The following ZYG11B variants were observed in gnomAD, a reference collection of about 807,000 sequenced individuals.
The protein encoded by ZYG11B is zyg-11 family member B, cell cycle regulator.
A neutral mutation model predicts 82.4 loss-of-function variants in ZYG11B; 36 were observed. The ratio of observed to expected loss-of-function variants is 0.44; its 90% confidence interval spans 0.33 to 0.58. The LOEUF (loss-of-function observed/expected upper bound fraction) is 0.58, where lower values mean the gene tolerates loss of function less well. Ranked by LOEUF, ZYG11B falls within the 20% of genes least tolerant of loss-of-function variation. ZYG11B has a pLI of 0.02. For synonymous variants in ZYG11B, 303 were observed against 312.8 expected, an observed-to-expected ratio of 0.97 and a Z score of 0.33; for missense variants, 552 against 895.6, an observed-to-expected ratio of 0.62 and a Z score of 4.90.
At chr1:52,768,404 C>T (rs1418418518) in intron 2 of ZYG11B, among the ~76,000 whole-genome samples, 3 of 152,144 alleles carry the variant, frequency 2.0e-5, no homozygotes, top group African/African-American at 7.2e-5. Context: ...CACCTTCAGC[C>T]TCATTTCTTC....
intron 1 of ZYG11B, among the ~76,000 whole-genome samples, chr1:52,743,847 AG>A (rs908821152): frequency 2.0e-5 from 3 of 152,174 alleles, no homozygotes; most frequent in African/African-American, 4.8e-5. Context: ...AGTACCTTCC[AG>A]TCCTGCAAGC....
At chr1:52,808,550 C>T (rs1645159896) in intron 10 of ZYG11B, among the ~76,000 whole-genome samples, 1 of 151,908 alleles carries the variant, frequency 6.6e-6, no homozygotes, top group Non-Finnish European at 1.5e-5. Context: ...TATTTTTGTA[C>T]AGATGGGATT....
Position 52,827,270 on chromosome 1 carries a change from AT to A in ZYG11B, c.*5643del, listed in dbSNP as rs1285808787. 2.0e-5 allele frequency: 3 copies of A among 152,190 alleles called. No individual in the cohort carries two copies. Among genetic ancestry groups the A allele is most frequent in the Non-Finnish European group, 4.4e-5 (3 of 68,032 alleles). 9.4% of individuals were successfully genotyped at this position (152,190 alleles called of 1,614,324 possible). ...TTTTAAATCAGGACATCACTTAAGT[AT>A]TAATGTTGTGTGTACAGATTTTTGT... On this transcript the variant is annotated 3_prime_UTR_variant, in exon 14 of 14. Coordinates refer to ENST00000294353, the MANE Select transcript of ZYG11B (RefSeq NM_024646.3).
chr1:52,818,090 G>T (rs1645251021), intron 13 of ZYG11B, among the ~76,000 whole-genome samples: 1 of 148,340 alleles, frequency 6.7e-6, no homozygotes, highest in East Asian at 2.0e-4. Context: ...CACCGACCTC[G>T]GCCTCCCAAA....
Position 52,771,221 on chromosome 1 carries a change from G to T in ZYG11B, c.398G>T (p.Trp133Leu). The change falls in exon 3 of 14, where the codon TGG (tryptophan) becomes TTG (leucine). Residue 133 changes from tryptophan (W) to leucine (L), a missense_variant. Physicochemically the swap from Trp to Leu is moderately conservative, Grantham distance 61. This residue lies in a region of ZYG11B where 359 missense variants were observed against 555.8 expected (regional missense o/e 0.65). Coordinates refer to ENST00000294353, the MANE Select transcript of ZYG11B (RefSeq NM_024646.3). This position sits in a 1 kb window ranked among gnomAD's most constrained non-coding sequence, Gnocchi z 5.4. Reference sequence around the variant, plus strand: ...ATCAGTGGGCTTGGCAGTAACAAATGGATCCAGCAGAATCTCCAGTGCCTG... The same window carrying T: ...ATCAGTGGGCTTGGCAGTAACAAATTGATCCAGCAGAATCTCCAGTGCCTG... The part of the protein sequence containing the change: ...DIISGLGSNK[W>L]IQQNLQCLVL... 1 of 1,614,182 alleles carries T rather than the reference G, an allele frequency of 6.2e-7. No individual in the cohort carries two copies. The highest frequency in any genetic ancestry group is 8.5e-7 in the Non-Finnish European group (1 of 1,180,038).
chr1:52,779,781 C>A, intron 3 of ZYG11B, 72 bp from the exon 4 acceptor site: 1 of 1,581,740 alleles, frequency 6.3e-7, no homozygotes, highest in Non-Finnish European at 8.6e-7. Flanking sequence ...TGAGCCACCG[C>A]GCCTGGCCAC....
Position 52,772,295 on chromosome 1 carries a change from C to G in ZYG11B, c.951+521C>G, listed in dbSNP as rs1471333792. ...TGAGCCAAACGGTGAATCTGGCTCT[C>G]TATCAGAATCAGATGGAATTTAGCA... On this transcript the variant is annotated intron_variant, in intron 3 of 13. Transcript: ENST00000294353. 8 of 1,353,372 alleles carry G rather than the reference C, an allele frequency of 5.9e-6. No individual in the cohort carries two copies. The Admixed American group carries it at 8.4e-5, about 14-fold the overall frequency. The allele number at this position is 1,353,372 out of a possible 1,614,324, so 83.8% of individuals were successfully genotyped here. A position where few individuals can be genotyped will look rare whatever the true frequency, so the allele number is the denominator to read the frequency against.
chr1:52,767,368 G>A (rs1420565872), intron 2 of ZYG11B, among the ~76,000 whole-genome samples: 1 of 152,028 alleles, frequency 6.6e-6, no homozygotes, highest in Non-Finnish European at 1.5e-5. Flanking sequence ...GCAATGGTGC[G>A]ATCTCAACTC....
chr1:52,825,254 A>C lies in ZYG11B; in HGVS notation c.*3625A>C, dbSNP rs1645314798. 1 of 152,176 alleles carries C rather than the reference A, an allele frequency of 6.6e-6. No individual in the cohort carries two copies. Among genetic ancestry groups the C allele is most frequent in the Non-Finnish European group, 1.5e-5 (1 of 68,034 alleles). 9.4% of individuals were successfully genotyped at this position (152,176 alleles called of 1,614,324 possible). A position where few individuals can be genotyped will look rare whatever the true frequency, so the allele number is the denominator to read the frequency against. ...CTTTTTGCAGTTGAAAATTAACTGC[A>C]TTATTAACTAATTAATAAAATAAAT... is the stretch of plus-strand genomic sequence containing the variant. On this transcript the variant is annotated 3_prime_UTR_variant, in exon 14 of 14. Coordinates refer to ENST00000294353, the MANE Select transcript of ZYG11B (RefSeq NM_024646.3).
rs1558127943 is a variant in ZYG11B, at chr1:52,771,076, C to T, written c.253C>T (p.Arg85Ter). The T allele has an allele frequency of 1.9e-6, 3 of 1,614,120 alleles. No homozygotes were observed. The highest frequency in any genetic ancestry group is 2.5e-6 in the Non-Finnish European group (3 of 1,180,034). Residue 85 changes from arginine to a stop codon, truncating the protein, a stop_gained, in exon 3 of 14, where the codon CGA (arginine) becomes TGA (stop). Transcript: ENST00000294353. LOFTEE classifies it high-confidence loss of function. The surrounding 1 kb of genome is among the most constrained non-coding windows in gnomAD (Gnocchi z 5.4). Reference protein sequence around the residue: ...IFRGNQMRLKRACIRKAKISA... With the variant: ...IFRGNQMRLK Reference sequence around the variant, plus strand: ...TAGGGGCAACCAGATGCGCTTAAAGCGAGCCTGCATTCGCAAAGCAAAGAT... The same window carrying T: ...TAGGGGCAACCAGATGCGCTTAAAGTGAGCCTGCATTCGCAAAGCAAAGAT...
At chr1:52,774,216 T>C (rs1184393958) in intron 3 of ZYG11B, among the ~76,000 whole-genome samples, 2 of 151,740 alleles carry the variant, frequency 1.3e-5, no homozygotes, top group African/African-American at 2.4e-5. Flanking sequence ...ACAGGCTCAC[T>C]GCAGCCTCTA....
intron 3 of ZYG11B, chr1:52,772,656 G>A: frequency 1.2e-6 from 1 of 824,092 alleles, no homozygotes. Context: ...CATGATGGCG[G>A]CGATCAGGCA....
Position 52,824,472 on chromosome 1 carries a change from C to T in ZYG11B, c.*2843C>T, listed in dbSNP as rs981117855. ...TGGCCCAAATGGTGAAACCCTGTCT[C>T]TACTAAATATACAAAAATTAGCTGG... On this transcript the variant is annotated 3_prime_UTR_variant, in exon 14 of 14. Transcript: ENST00000294353. 6.6e-5 allele frequency: 10 copies of T among 152,198 alleles called. No individual in the cohort carries two copies. The highest frequency in any genetic ancestry group is 2.6e-4 in the Admixed American group (4 of 15,258). The allele number at this position is 152,198 out of a possible 1,614,324, so 9.4% of individuals were successfully genotyped here. A position where few individuals can be genotyped will look rare whatever the true frequency, so the allele number is the denominator to read the frequency against.
chr1:52,793,901 T>TTCCTTACTTCC (rs10660798), intron 6 of ZYG11B, among the ~76,000 whole-genome samples: 1 of 113,030 alleles, frequency 8.8e-6, no homozygotes, highest in Non-Finnish European at 1.9e-5. Flanking sequence ...CCTTCCTTCC[T>TTCCTTACTTCC]TTCTTTCCTT....
At chr1:52,758,814 T>C (rs1644601956) in intron 2 of ZYG11B, among the ~76,000 whole-genome samples, 1 of 152,124 alleles carries the variant, frequency 6.6e-6, no homozygotes, top group African/African-American at 2.4e-5. Context: ...TAGGGTAAAT[T>C]TCTGTATTAT....
At chr1:52,750,698 C>A (rs967207603) in intron 1 of ZYG11B, among the ~76,000 whole-genome samples, 4 of 152,152 alleles carry the variant, frequency 2.6e-5, no homozygotes, top group African/African-American at 9.7e-5. Context: ...TAGCCACAAT[C>A]AATTTTAGAA....
At chr1:52,785,220 G>A (rs569376283) in intron 5 of ZYG11B, among the ~76,000 whole-genome samples, 167 bp downstream of exon 5, 21 of 152,252 alleles carry the variant, frequency 1.4e-4, no homozygotes, top group African/African-American at 5.1e-4. Context: ...TATATTCCGT[G>A]CCTAAAAGCA....
intron 1 of ZYG11B, among the ~76,000 whole-genome samples, chr1:52,752,369 C>A (rs911308725): frequency 1.3e-5 from 2 of 152,192 alleles, no homozygotes; most frequent in Non-Finnish European, 2.9e-5. Context: ...CACACCCTAC[C>A]CCACCCCTAG....
chr1:52,796,482 T>C, intron 7 of ZYG11B, 91 bp downstream of exon 7: 1 of 1,130,084 alleles, frequency 8.8e-7, no homozygotes, highest in South Asian at 1.4e-5. Context: ...CCAGAAACAT[T>C]AGTAAATCTC....
Sources: allele counts gnomAD v4.1 joint callset (sites outside exome capture counted in the v4.1 genomes callset), GRCh38; gene constraint gnomAD v4.1.1; regional missense constraint gnomAD v4.1.1; non-coding constraint Gnocchi (gnomAD v3.1); transcripts MANE v1.5; gene names NCBI Gene and HGNC (gene_info 2026-07-23, HGNC 2026-07-21).